Variants in PDSS2 observed in about 807,000 individuals in gnomAD.
PDSS2 encodes decaprenyl diphosphate synthase subunit 2.
In PDSS2, 31 loss-of-function variants were observed where a neutral mutation model predicts 44.5. The ratio of observed to expected loss-of-function variants is 0.70; its 90% confidence interval spans 0.52 to 0.94. PDSS2 has a LOEUF of 0.94. Ranked by LOEUF, PDSS2 falls within the 40% of genes least tolerant of loss-of-function variation. The pLI is 0.00. For missense variants in PDSS2, 452 were observed against 482.2 expected, an observed-to-expected ratio of 0.94 and a Z score of 0.59; for synonymous variants, 157 against 180.3, an observed-to-expected ratio of 0.87 and a Z score of 1.03.
intron 3 of PDSS2, among the ~76,000 whole-genome samples, chr6:107,270,884 T>C (rs1053689021): frequency 2.6e-5 from 4 of 152,348 alleles, no homozygotes; most frequent in African/African-American, 9.6e-5. Context: ...ATGATTTACT[T>C]ACTTGAAATA....
At chr6:107,302,793 C>A (rs764008075) in intron 2 of PDSS2, among the ~76,000 whole-genome samples, 26 of 150,752 alleles carry the variant, frequency 1.7e-4, no homozygotes, top group Non-Finnish European at 2.8e-4. Context: ...GCTACTAAGC[C>A]CTTAAAACAT....
chr6:107,341,444 G>A (rs1048585529), intron 1 of PDSS2, among the ~76,000 whole-genome samples: 2 of 152,180 alleles, frequency 1.3e-5, no homozygotes, highest in African/African-American at 2.4e-5. Context: ...TGCCAAGCAG[G>A]CAGCTGGAAA....
chr6:107,315,103 A>G (rs1205753810), intron 2 of PDSS2, among the ~76,000 whole-genome samples: 5 of 152,210 alleles, frequency 3.3e-5, no homozygotes, highest in Non-Finnish European at 5.9e-5. Flanking sequence ...AAATAAATTT[A>G]CCAATTACTC....
chr6:107,376,275 G>A (rs1006582354), intron 1 of PDSS2, among the ~76,000 whole-genome samples: 1 of 151,878 alleles, frequency 6.6e-6, no homozygotes, highest in African/African-American at 2.4e-5. Flanking sequence ...GAACTTTAAA[G>A]TAGTTTTTTC....
At chr6:107,364,045 T>C (rs978145933) in intron 1 of PDSS2, among the ~76,000 whole-genome samples, 1 of 152,210 alleles carries the variant, frequency 6.6e-6, no homozygotes, top group Non-Finnish European at 1.5e-5. Flanking sequence ...CCAGAGCAGC[T>C]AGATACAGAG....
intron 4 of PDSS2, among the ~76,000 whole-genome samples, chr6:107,238,284 C>A (rs1313945129): frequency 6.6e-6 from 1 of 152,138 alleles, no homozygotes; most frequent in Non-Finnish European, 1.5e-5. Flanking sequence ...GGAAAATAAA[C>A]AATAAAAAAT....
intron 3 of PDSS2, among the ~76,000 whole-genome samples, chr6:107,257,170 ACT>A (rs1223821951): frequency 1.3e-5 from 2 of 151,734 alleles, no homozygotes; most frequent in Non-Finnish European, 2.9e-5. Flanking sequence ...ACAGAGCGAG[ACT>A]CTGTCTCACA....
chr6:107,317,581 T>C (rs997243340), intron 2 of PDSS2, among the ~76,000 whole-genome samples: 3 of 152,222 alleles, frequency 2.0e-5, no homozygotes, highest in Non-Finnish European at 4.4e-5. Context: ...CAACCGTGCC[T>C]GACCTCCCAG....
chr6:107,409,473 AC>A (rs1451309702), intron 1 of PDSS2, among the ~76,000 whole-genome samples: 3 of 152,142 alleles, frequency 2.0e-5, no homozygotes. Context: ...TGACTTAGAT[AC>A]AGAAGTCAAG....
At chr6:107,190,827 A>T (rs72937799) in intron 7 of PDSS2, among the ~76,000 whole-genome samples, 1 of 152,216 alleles carries the variant, frequency 6.6e-6, no homozygotes, top group Non-Finnish European at 1.5e-5. Flanking sequence ...TAGGGGAGAG[A>T]TCACACAGCC....
rs1554263870 is a variant in PDSS2, at chr6:107,301,469, C to CGA, written c.432-27243_432-27242insTC. On this transcript the variant is annotated intron_variant, in intron 2 of 7. Coordinates refer to ENST00000369037, the MANE Select transcript of PDSS2 (RefSeq NM_020381.4). ...ATAATTTACAGTTCATTTGCAAAAA[C>CGA]AAAACAAGCATTACTTTCAGACACC... Among the ~76,000 whole-genome samples the CGA allele has an allele frequency of 4.4e-3, 671 of 152,020 alleles. 6 individuals are homozygous for CGA. Among genetic ancestry groups the CGA allele is most frequent in the African/African-American group, 0.016 (646 of 41,474 alleles).
chr6:107,221,837 G>A (rs1362554326), intron 4 of PDSS2, among the ~76,000 whole-genome samples: 1 of 152,174 alleles, frequency 6.6e-6, no homozygotes, highest in East Asian at 1.9e-4. Flanking sequence ...CAGAACAAAG[G>A]TGAACTAATT....
At chr6:107,307,538 A>T (rs1334026810) in intron 2 of PDSS2, among the ~76,000 whole-genome samples, 3 of 149,146 alleles carry the variant, frequency 2.0e-5, no homozygotes, top group Non-Finnish European at 1.5e-5. Context: ...TTTTTTTTTT[A>T]AACAGGCAGT....
At chr6:107,412,702 T>C (rs1489329706) in intron 1 of PDSS2, among the ~76,000 whole-genome samples, 2 of 152,204 alleles carry the variant, frequency 1.3e-5, no homozygotes, top group African/African-American at 4.8e-5. Context: ...TAAAGGCAAA[T>C]TTACCAATCT....
intron 1 of PDSS2, among the ~76,000 whole-genome samples, chr6:107,360,142 A>C (rs1778723488): frequency 6.6e-6 from 1 of 152,206 alleles, no homozygotes; most frequent in African/African-American, 2.4e-5. Context: ...CAAAGATCTC[A>C]AGAATTGTGA....
intron 3 of PDSS2, among the ~76,000 whole-genome samples, chr6:107,262,856 T>C (rs1483903236): frequency 6.6e-6 from 1 of 151,840 alleles, no homozygotes; most frequent in Non-Finnish European, 1.5e-5. Flanking sequence ...CCAAGGATCA[T>C]TTGAGCCCAG....
chr6:107,395,138 A>G (rs1216168439), intron 1 of PDSS2, among the ~76,000 whole-genome samples: 1 of 151,954 alleles, frequency 6.6e-6, no homozygotes, highest in African/African-American at 2.4e-5. Context: ...TGACTTTTAT[A>G]GTTTCTGATA....
intron 1 of PDSS2, among the ~76,000 whole-genome samples, chr6:107,403,266 C>T (rs760267129): frequency 2.0e-5 from 3 of 152,228 alleles, no homozygotes; most frequent in Non-Finnish European, 4.4e-5. Flanking sequence ...CCTCCTTTGA[C>T]TCCATGTCTC....
intron 1 of PDSS2, among the ~76,000 whole-genome samples, chr6:107,339,284 C>A (rs1483736379): frequency 2.0e-5 from 3 of 152,082 alleles, no homozygotes; most frequent in Admixed American, 6.5e-5. Flanking sequence ...ACAATATATA[C>A]AAAAATTGAA....
Sources: gnomAD v4.1 joint callset for allele counts (sites outside exome capture counted in the v4.1 genomes callset) on GRCh38, gnomAD v4.1.1 for gene constraint, MANE v1.5 for transcripts, NCBI Gene and HGNC (gene_info 2026-07-23, HGNC 2026-07-21) for gene names.